The following PLEKHM1 variants were observed in gnomAD, a reference collection of about 807,000 sequenced individuals.
PLEKHM1 encodes pleckstrin homology and RUN domain containing M1.
Under a neutral mutation model 94.3 loss-of-function variants are expected in PLEKHM1, and 28 were observed. The observed-to-expected ratio is 0.30, with a 90% CI of 0.22 to 0.41. The LOEUF is 0.41. Ranked by LOEUF, PLEKHM1 falls within the 10% of genes least tolerant of loss-of-function variation. The probability of loss-of-function intolerance (pLI) is 1.00; values close to 1 mark genes in which losing one functional copy is unlikely to be tolerated. For synonymous variants in PLEKHM1, 424 were observed against 581.2 expected, an observed-to-expected ratio of 0.73 and a Z score of 3.89; for missense variants, 907 against 1,358.6, an observed-to-expected ratio of 0.67 and a Z score of 5.22.
In PLEKHM1 at chr17:45,454,241, C is replaced by A; in HGVS notation, c.1611G>T (p.Lys537Asn). The change falls in exon 7 of 12, where the codon AAG becomes AAT. Residue 537 changes from lysine to asparagine, a missense_variant. Physicochemically the swap from Lys to Asn is moderately conservative, Grantham distance 94. Around this residue, in one of 3 missense-constraint regions of PLEKHM1, gnomAD observed 477 missense variants for 601.5 expected, o/e 0.79. Coordinates refer to ENST00000430334, the MANE Select transcript of PLEKHM1 (RefSeq NM_014798.3). ...GLSNPFRGLM[K>N]LGTVERRGAM... Reference sequence around the variant, plus strand: ...CCCCCCGCCGCTCCACGGTGCCCAGCTTCATGAGACCCCGGAATGGGTTGG... The same window carrying A: ...CCCCCCGCCGCTCCACGGTGCCCAGATTCATGAGACCCCGGAATGGGTTGG... 1 of 1,610,382 alleles carries A rather than the reference C, an allele frequency of 6.2e-7. No homozygotes were observed.
rs149822922 is a variant in PLEKHM1 at position 45,462,095 on chromosome 17, G to A, written c.1309-3656C>T. 3.7e-4 allele frequency among the ~76,000 whole-genome samples: 57 copies of A among 152,204 alleles called. No homozygotes were observed. The East Asian group carries it at 9.7e-3, about 26-fold the overall frequency. On this transcript the variant is annotated intron_variant, in intron 5 of 11. Coordinates refer to ENST00000430334, the MANE Select transcript of PLEKHM1 (RefSeq NM_014798.3). ...ACTGCACTCCCTGCTTTGTAAACAG[G>A]GAAGGGTTGGTTTGGACAGTTGGAT...
intron 7 of PLEKHM1, among the ~76,000 whole-genome samples, chr17:45,451,785 C>T (rs1286305427): frequency 6.6e-6 from 1 of 152,108 alleles, no homozygotes; most frequent in Non-Finnish European, 1.5e-5. Flanking sequence ...AGAGTTGCCC[C>T]CGCAGCATTC....
intron 1 of PLEKHM1, among the ~76,000 whole-genome samples, chr17:45,483,260 G>C (rs964021072): frequency 1.3e-5 from 2 of 152,064 alleles, no homozygotes; most frequent in African/African-American, 4.8e-5. Context: ...ATATGTACCT[G>C]TACCTGATAT....
Position 45,454,232 on chromosome 17 carries a change from G to A in PLEKHM1, c.1620C>T (p.Thr540=), listed in dbSNP as rs767866950. The part of the protein sequence containing the change: ...NPFRGLMKLG[T]VERRGAMGIW... ...TGCCCATTGCCCCCCGCCGCTCCACGGTGCCCAGCTTCATGAGACCCCGGA... is the reference window on the plus strand; with the variant it reads ...TGCCCATTGCCCCCCGCCGCTCCACAGTGCCCAGCTTCATGAGACCCCGGA... The change falls in exon 7 of 12, where the codon ACC becomes ACT. Residue 540 remains threonine, a synonymous_variant. Coordinates refer to ENST00000430334, the MANE Select transcript of PLEKHM1 (RefSeq NM_014798.3). 35 of 1,611,058 alleles carry A rather than the reference G, an allele frequency of 2.2e-5. No individual in the cohort carries two copies. The Admixed American group carries it at 4.7e-4, about 22-fold the overall frequency.
rs796774029 is a variant in PLEKHM1 at position 45,437,170 on chromosome 17, C to T, written c.*688G>A. ...CTGAGAAAGCGGTGGGCTCAGCAGGCGAGACGCACTGGGGTGGGGAGTAAA... is the reference window on the plus strand; with the variant it reads ...CTGAGAAAGCGGTGGGCTCAGCAGGTGAGACGCACTGGGGTGGGGAGTAAA... On this transcript the variant is annotated 3_prime_UTR_variant, in exon 12 of 12. Transcript: ENST00000430334. The surrounding 1 kb of genome is among the most constrained non-coding windows in gnomAD (Gnocchi z 4.0). The T allele has an allele frequency of 1.0e-4, 46 of 452,870 alleles. No individual in the cohort carries two copies. Among genetic ancestry groups the T allele is most frequent in the African/African-American group, 8.2e-4 (41 of 50,098 alleles). The allele number at this position is 452,870 out of a possible 1,614,324, so 28.1% of individuals were successfully genotyped here. A position where few individuals can be genotyped will look rare whatever the true frequency, so the allele number is the denominator to read the frequency against.
At chr17:45,458,851 G>A (rs923769774) in intron 5 of PLEKHM1, among the ~76,000 whole-genome samples, 38 of 150,516 alleles carry the variant, frequency 2.5e-4, no homozygotes, top group African/African-American at 8.6e-4. Flanking sequence ...TATGTAATTC[G>A]GCCAGCCATG....
At chr17:45,468,992 T>G (rs2051413574) in intron 4 of PLEKHM1, among the ~76,000 whole-genome samples, 1 of 149,460 alleles carries the variant, frequency 6.7e-6, no homozygotes, top group African/African-American at 2.4e-5. Context: ...AGCCTCCTCC[T>G]CCACAGCACA....
At chr17:45,482,674 A>G (rs1298126957) in intron 1 of PLEKHM1, 149 bp from the exon 2 acceptor site, 1 of 682,182 alleles carries the variant, frequency 1.5e-6, no homozygotes, top group East Asian at 2.7e-5. Flanking sequence ...AACTGATAAT[A>G]GATTTGAAGG....
chr17:45,465,673 G>T (rs894604747), intron 5 of PLEKHM1, among the ~76,000 whole-genome samples: 1 of 152,088 alleles, frequency 6.6e-6, no homozygotes. Flanking sequence ...TTGCACCACT[G>T]TACTTCAGCC....
At chr17:45,452,654 T>C (rs2145211699) in intron 7 of PLEKHM1, among the ~76,000 whole-genome samples, 1 of 152,050 alleles carries the variant, frequency 6.6e-6, no homozygotes, top group African/African-American at 2.4e-5. Flanking sequence ...AGTATTAGAT[T>C]TGATGATGAG....
At chr17:45,467,692 CG>C (rs1324410231) in intron 5 of PLEKHM1, among the ~76,000 whole-genome samples, 7 of 152,028 alleles carry the variant, frequency 4.6e-5, no homozygotes, top group African/African-American at 1.7e-4. Context: ...ACCCAGGAGG[CG>C]AAGGTGGCAG....
chr17:45,471,507 AATCCCAGCACTTTGAGAGGCTGAG>A (rs2051510610), intron 4 of PLEKHM1, among the ~76,000 whole-genome samples: 1 of 151,890 alleles, frequency 6.6e-6, no homozygotes, highest in Non-Finnish European at 1.5e-5. Flanking sequence ...TCATGCCTGT[AATCCCAGCACTTTGAGAGGCTGAG>A]CCAGGCGGAT....
At chr17:45,448,856 A>G (rs2050688180) in intron 8 of PLEKHM1, among the ~76,000 whole-genome samples, 1 of 152,146 alleles carries the variant, frequency 6.6e-6, no homozygotes, top group Non-Finnish European at 1.5e-5. Flanking sequence ...TGGTGAACAT[A>G]AAAAAGTACC....
intron 2 of PLEKHM1, among the ~76,000 whole-genome samples, chr17:45,480,463 A>T (rs1457843578): frequency 6.6e-6 from 1 of 152,124 alleles, no homozygotes; most frequent in African/African-American, 2.4e-5. Flanking sequence ...CAGCCTGGGC[A>T]GCAGAGGGAG....
Position 45,436,731 on chromosome 17 carries a change from C to T in PLEKHM1, c.*1127G>A, listed in dbSNP as rs1290084131. The T allele has an allele frequency of 1.3e-5, 6 of 454,046 alleles. No homozygotes were observed. The highest frequency in any genetic ancestry group is 1.8e-5 in the Non-Finnish European group (4 of 226,806). The allele number at this position is 454,046 out of a possible 1,614,324, so 28.1% of individuals were successfully genotyped here. ...GGGGAACTTCTTCAGTCTCCAGTGT[C>T]CCGGCTGGGCAAGTTCAGTGATGCT... On this transcript the variant is annotated 3_prime_UTR_variant, in exon 12 of 12. Transcript: ENST00000430334.
intron 1 of PLEKHM1, among the ~76,000 whole-genome samples, chr17:45,483,072 G>T (rs1340401923): frequency 6.6e-6 from 1 of 151,836 alleles, no homozygotes; most frequent in Non-Finnish European, 1.5e-5. Context: ...AAAGGGGAGG[G>T]CTCCCTTGCT....
At chr17:45,476,528 G>C (rs2051743634) in intron 3 of PLEKHM1, among the ~76,000 whole-genome samples, 1 of 152,072 alleles carries the variant, frequency 6.6e-6, no homozygotes. Flanking sequence ...AAATCAATAA[G>C]GCAACACGGG....
intron 1 of PLEKHM1, among the ~76,000 whole-genome samples, chr17:45,483,019 A>G (rs1598007980): frequency 6.6e-6 from 1 of 151,850 alleles, no homozygotes; most frequent in East Asian, 2.0e-4. Context: ...CCAGTCCAAC[A>G]TCTGCCAGCT....
chr17:45,434,745 A>C (rs571925820), downstream of PLEKHM1, among the ~76,000 whole-genome samples: 14 of 152,256 alleles, frequency 9.2e-5, no homozygotes, highest in Middle Eastern at 6.8e-3. Context: ...ATGCCGGGGT[A>C]CATCAGCTAT....
Sources: gnomAD v4.1 joint callset for allele counts (sites outside exome capture counted in the v4.1 genomes callset) on GRCh38, gnomAD v4.1.1 for gene constraint, gnomAD v4.1.1 regional missense constraint, Gnocchi (gnomAD v3.1) non-coding constraint, MANE v1.5 for transcripts, NCBI Gene and HGNC (gene_info 2026-07-23, HGNC 2026-07-21) for gene names.